The following ZFAND4 variants were observed in gnomAD, a reference collection of about 807,000 sequenced individuals.
The protein encoded by ZFAND4 is AN1-type zinc finger protein 4.
In ZFAND4, 43 loss-of-function variants were observed where a neutral mutation model predicts 64.4. The observed-to-expected ratio is 0.67, with a 90% CI of 0.52 to 0.86. The LOEUF (loss-of-function observed/expected upper bound fraction) is 0.86, where lower values mean the gene tolerates loss of function less well. Ranked by LOEUF, ZFAND4 falls within the 40% of genes least tolerant of loss-of-function variation. ZFAND4 has a pLI of 0.00. For synonymous variants in ZFAND4, 296 were observed against 305.7 expected (o/e 0.97, Z 0.33); for missense variants, 929 against 859.8 (o/e 1.08, Z -1.01).
At chr10:45,620,481 T>C (rs1002281674) in intron 8 of ZFAND4, among the ~76,000 whole-genome samples, 1 of 151,746 alleles carries the variant, frequency 6.6e-6, no homozygotes, top group South Asian at 2.1e-4. Flanking sequence ...CGAGACTCTG[T>C]CTAAAAAAAA....
chr10:45,627,037 T>G lies in ZFAND4; in HGVS notation c.786A>C (p.Ala262=). The G allele has an allele frequency of 6.2e-7, 1 of 1,602,136 alleles. No homozygotes were observed. The highest frequency in any genetic ancestry group is 8.5e-7 in the Non-Finnish European group (1 of 1,173,154). The change falls in exon 7 of 10, where the codon GCA becomes GCC. Residue 262 remains alanine (A), a synonymous_variant. Coordinates refer to ENST00000344646, the MANE Select transcript of ZFAND4 (RefSeq NM_174890.4). The stretch of plus-strand genomic sequence containing the variant: ...CCCTTAACAATCGGTGGCGAGATGG[T>G]GCAGTGGAACCACTAGAAGGTCGAG... The part of the protein sequence containing the change: ...VAPRPSSGST[A]PSRHRLLRVL...
chr10:45,620,407 C>T lies in ZFAND4; in HGVS notation c.1928-2147G>A, dbSNP rs375960086. On this transcript the variant is annotated intron_variant, in intron 8 of 9. Coordinates refer to ENST00000344646, the MANE Select transcript of ZFAND4 (RefSeq NM_174890.4). ...GAAGCAGAAGAATCACTTCAACCCGCGAGGAAGAGGTTGCAGTGAGCCGAG... is the reference window on the plus strand; with the variant it reads ...GAAGCAGAAGAATCACTTCAACCCGTGAGGAAGAGGTTGCAGTGAGCCGAG... 3.5e-4 allele frequency among the ~76,000 whole-genome samples: 53 copies of T among 152,050 alleles called. No homozygotes were observed. The East Asian group carries it at 7.2e-3, about 21-fold the overall frequency.
rs1481063002 is a variant in ZFAND4, at chr10:45,626,799, G to A, written c.1024C>T (p.Pro342Ser). 5 of 1,614,218 alleles carry A rather than the reference G, an allele frequency of 3.1e-6. No individual in the cohort carries two copies. The Admixed American group carries it at 5.0e-5, about 16-fold the overall frequency. ...SSNVKLPPQI[P>S]HLELGNDQEL... is the part of the protein sequence containing the mutation. Reference sequence around the variant, plus strand: ...TGGTCATTTCCCAACTCCAAATGGGGTATCTGAGGAGGTAGTTTGACGTTG... The same window carrying A: ...TGGTCATTTCCCAACTCCAAATGGGATATCTGAGGAGGTAGTTTGACGTTG... Residue 342 changes from proline (P) to serine (S), a missense_variant, in exon 7 of 10, where the codon CCC becomes TCC. Coordinates refer to ENST00000344646, the MANE Select transcript of ZFAND4 (RefSeq NM_174890.4).
chr10:45,648,441 G>T lies in ZFAND4; in HGVS notation c.422C>A (p.Thr141Lys). The T allele has an allele frequency of 6.2e-7, 1 of 1,613,896 alleles. No homozygotes were observed. Among genetic ancestry groups the T allele is most frequent in the South Asian group, 1.1e-5 (1 of 91,012 alleles). The change falls in exon 5 of 10, where the codon ACA becomes AAA. Residue 141 changes from threonine to lysine, a missense_variant. By Grantham distance (78) the Thr-to-Lys change is moderately conservative. Transcript: ENST00000344646. ...ATCTCCTTCTTGGTATACCAAAAATGTAACTTGTTTGCTGCAGGAGGTCTT... is the reference window on the plus strand; with the variant it reads ...ATCTCCTTCTTGGTATACCAAAAATTTAACTTGTTTGCTGCAGGAGGTCTT... ...WEKTSCSKQV[T>K]FLVYQEGDQL...
At chr10:45,647,064 A>G (rs1381392685) in intron 5 of ZFAND4, among the ~76,000 whole-genome samples, 4 of 152,100 alleles carry the variant, frequency 2.6e-5, no homozygotes, top group Non-Finnish European at 4.4e-5. Flanking sequence ...CACATCACAT[A>G]TGGTTTCCTA....
rs1385600882 is a variant in ZFAND4 at position 45,626,509 on chromosome 10, T to C, written c.1314A>G (p.Pro438=). The C allele has an allele frequency of 1.2e-6, 2 of 1,613,996 alleles. No homozygotes were observed. The highest frequency in any genetic ancestry group is 1.7e-5 in the Admixed American group (1 of 60,022). ...LTNADKGLKA[P]EQHLKHVAGV... is the part of the protein sequence containing the mutation. ...CTGCAACATGCTTGAGATGCTGCTC[T>C]GGAGCTTTCAACCCTTTGTCAGCAT... The change falls in exon 7 of 10, where the codon CCA becomes CCG. Residue 438 remains proline, a synonymous_variant. Coordinates refer to ENST00000344646, the MANE Select transcript of ZFAND4 (RefSeq NM_174890.4).
intron 8 of ZFAND4, among the ~76,000 whole-genome samples, chr10:45,622,224 G>A (rs559511148): frequency 7.2e-5 from 11 of 152,226 alleles, no homozygotes; most frequent in South Asian, 2.1e-4. Context: ...CTTTCAACAC[G>A]GGTGCCAAGA....
chr10:45,641,529 G>A (rs971865910), intron 5 of ZFAND4, among the ~76,000 whole-genome samples: 1 of 152,178 alleles, frequency 6.6e-6, no homozygotes, highest in Non-Finnish European at 1.5e-5. Context: ...AACATGAAAT[G>A]TTCTGAAACT....
At chr10:45,654,466 A>G (rs1471828501) in intron 2 of ZFAND4, among the ~76,000 whole-genome samples, 2 of 152,078 alleles carry the variant, frequency 1.3e-5, no homozygotes, top group Non-Finnish European at 2.9e-5. Flanking sequence ...TAAAAATACA[A>G]AAATTAGCCA....
chr10:45,632,116 A>T (rs938903361), intron 6 of ZFAND4, among the ~76,000 whole-genome samples: 1 of 152,186 alleles, frequency 6.6e-6, no homozygotes, highest in African/African-American at 2.4e-5. Flanking sequence ...GCACTTTGGG[A>T]GGCCAAGGTG....
chr10:45,647,624 T>G (rs1216613629), intron 5 of ZFAND4, among the ~76,000 whole-genome samples: 1 of 152,126 alleles, frequency 6.6e-6, no homozygotes, highest in Admixed American at 6.6e-5. Context: ...TGATATCTTT[T>G]TATAACATCA....
Position 45,615,820 on chromosome 10 carries a change from T to C in ZFAND4, c.*616A>G, listed in dbSNP as rs1269498713. The C allele has an allele frequency of 6.6e-6, 1 of 152,170 alleles. No individual in the cohort carries two copies. Among genetic ancestry groups the C allele is most frequent in the Non-Finnish European group, 1.5e-5 (1 of 68,026 alleles). The allele number at this position is 152,170 out of a possible 1,614,324, so 9.4% of individuals were successfully genotyped here. ...CGATGTGTTTTATAGAATGGATTCA[T>C]GTCCGAATACTAATCTGAATGTGGA... is the stretch of plus-strand genomic sequence containing the variant. On this transcript the variant is annotated 3_prime_UTR_variant, in exon 10 of 10. Coordinates refer to ENST00000344646, the MANE Select transcript of ZFAND4 (RefSeq NM_174890.4).
intron 1 of ZFAND4, among the ~76,000 whole-genome samples, chr10:45,665,714 A>T (rs1245871823): frequency 2.6e-4 from 39 of 152,094 alleles, no homozygotes; most frequent in Admixed American, 1.0e-3. Context: ...CCTGTAACCA[A>T]CACTCCCAAA....
chr10:45,672,012 C>T (rs1243087990), intron 1 of ZFAND4, among the ~76,000 whole-genome samples: 2 of 152,110 alleles, frequency 1.3e-5, no homozygotes, highest in Non-Finnish European at 2.9e-5. Context: ...GAGCAGTTAC[C>T]TTTGAAACAT....
chr10:45,667,766 G>T (rs2048925743), intron 1 of ZFAND4, among the ~76,000 whole-genome samples: 1 of 152,060 alleles, frequency 6.6e-6, no homozygotes, highest in Admixed American at 6.6e-5. Context: ...ACTGCACTGG[G>T]CTTATTTCCC....
intron 2 of ZFAND4, among the ~76,000 whole-genome samples, chr10:45,658,340 C>G (rs536433173): frequency 6.6e-6 from 1 of 152,142 alleles, no homozygotes; most frequent in South Asian, 2.1e-4. Context: ...CCCCCAGGAG[C>G]TGGGTGAAAG....
intron 6 of ZFAND4, among the ~76,000 whole-genome samples, chr10:45,633,347 T>C (rs1356009622): frequency 6.6e-6 from 1 of 151,936 alleles, no homozygotes; most frequent in African/African-American, 2.4e-5. Flanking sequence ...AAGAATAAAA[T>C]GCTATAAAGT....
At chr10:45,666,980 G>A (rs1468642099) in intron 1 of ZFAND4, among the ~76,000 whole-genome samples, 1 of 152,138 alleles carries the variant, frequency 6.6e-6, no homozygotes, top group African/African-American at 2.4e-5. Flanking sequence ...TGGACTCCTT[G>A]AATTGCCATA....
intron 6 of ZFAND4, among the ~76,000 whole-genome samples, chr10:45,635,225 C>A (rs372737973): frequency 0.13 from 7,875 of 61,974 alleles, 152 homozygotes; most frequent in African/African-American, 0.19. Context: ...AAAAAAAAAA[C>A]AAACAAAAAA....
Sources: allele counts gnomAD v4.1 joint callset (sites outside exome capture counted in the v4.1 genomes callset), GRCh38; gene constraint gnomAD v4.1.1; transcripts MANE v1.5; gene names NCBI Gene and HGNC (gene_info 2026-07-23, HGNC 2026-07-21).